SPAG9: variants seen among roughly 807,000 people sequenced by gnomAD.
SPAG9 encodes sperm associated antigen 9.
A neutral mutation model predicts 166.5 loss-of-function variants in SPAG9; 35 were observed. That is an observed-to-expected ratio of 0.21 (90% CI 0.16 to 0.28). The LOEUF (loss-of-function observed/expected upper bound fraction) is 0.28, where lower values mean the gene tolerates loss of function less well. Among genes scored for constraint, SPAG9 ranks in the 10% least tolerant of loss-of-function variants. The pLI is 1.00. For missense variants in SPAG9, 1,235 were observed against 1,603.3 expected (o/e 0.77, Z 3.92); for synonymous variants, 534 against 565.5 (o/e 0.94, Z 0.79).
At chr17:51,007,424 T>A in intron 9 of SPAG9, 98 bp from the exon 10 acceptor site, 2 of 566,486 alleles carry the variant, frequency 3.5e-6, no homozygotes, top group South Asian at 2.9e-5. Flanking sequence ...ATTTTAGAAA[T>A]TTTATCTGTC....
In SPAG9 at chr17:51,074,225, G is replaced by A. The variant is rs373699979; in HGVS notation, c.424+5359C>T. Among the ~76,000 whole-genome samples the A allele has an allele frequency of 6.0e-4, 91 of 151,690 alleles. No homozygotes were observed. The South Asian group carries it at 0.018, about 30-fold the overall frequency. On this transcript the variant is annotated intron_variant, in intron 2 of 29. Coordinates refer to ENST00000262013, the MANE Select transcript of SPAG9 (RefSeq NM_001130528.3). The stretch of plus-strand genomic sequence containing the variant: ...CAGTCCAGACTGGGCGACAGAGCGA[G>A]ACTCCGTCTCAAAAAAATAAAAACA...
rs1597972162 is a variant in SPAG9, at chr17:51,005,985, C to T, written c.1424+100G>A. 3.6e-6 allele frequency: 5 copies of T among 1,391,362 alleles called. No homozygotes were observed. In the East Asian group the frequency reaches 9.2e-5, roughly 26 times the overall value. The allele number at this position is 1,391,362 out of a possible 1,614,324, so 86.2% of individuals were successfully genotyped here. On this transcript the variant is annotated intron_variant, in intron 11 of 29. Transcript: ENST00000262013. ...CCCAGGCAGCTCTTGGCCTTCCAGG[C>T]TTGAGTGGACAGAAGGTCTCAGTCT...
chr17:51,047,715 A>C (rs1190522532), intron 3 of SPAG9, among the ~76,000 whole-genome samples: 1 of 151,790 alleles, frequency 6.6e-6, no homozygotes, highest in Non-Finnish European at 1.5e-5. Flanking sequence ...AAAAAAAAAA[A>C]AAACCCACTT....
chr17:51,005,824 C>A (rs1040280240), intron 11 of SPAG9, among the ~76,000 whole-genome samples: 2 of 152,252 alleles, frequency 1.3e-5, no homozygotes, highest in Admixed American at 6.5e-5. Flanking sequence ...TCACTCCAGC[C>A]TGGGCAACAG....
chr17:51,001,699 C>T lies in SPAG9; in HGVS notation c.1607+16G>A, dbSNP rs756660197. 30 of 1,597,690 alleles carry T rather than the reference C, an allele frequency of 1.9e-5. No homozygotes were observed. In the African/African-American group the frequency reaches 3.0e-4, roughly 16 times the overall value. On this transcript the variant is annotated intron_variant, in intron 13 of 29. Coordinates refer to ENST00000262013, the MANE Select transcript of SPAG9 (RefSeq NM_001130528.3). The stretch of plus-strand genomic sequence containing the variant: ...AAATAATAGTAGGAAAATAATGGAG[C>T]GCTTGTCATACAAACCGAATCATCT...
At chr17:50,995,692 C>T (rs1281826273) in intron 16 of SPAG9, 159 bp from the exon 17 acceptor site, 27 of 602,788 alleles carry the variant, frequency 4.5e-5, no homozygotes, top group Non-Finnish European at 6.7e-5. Context: ...GAGACAGGGT[C>T]GCTCTACTGC....
chr17:51,114,876 T>C (rs2049238190), intron 1 of SPAG9, among the ~76,000 whole-genome samples: 1 of 150,904 alleles, frequency 6.6e-6, no homozygotes, highest in African/African-American at 2.4e-5. Context: ...TGCTTGAACC[T>C]GGGAGGCAGA....
chr17:50,983,176 G>A (rs761123639), intron 24 of SPAG9, among the ~76,000 whole-genome samples: 2 of 152,138 alleles, frequency 1.3e-5, no homozygotes, highest in Admixed American at 6.5e-5. Context: ...TAGCTTTTGT[G>A]AGCATACTGC....
chr17:51,026,358 A>C (rs1447687693), intron 6 of SPAG9, among the ~76,000 whole-genome samples: 5 of 150,732 alleles, frequency 3.3e-5, no homozygotes, highest in African/African-American at 1.2e-4. Flanking sequence ...ACCAGGAGAG[A>C]GCTGAACCTA....
intron 1 of SPAG9, among the ~76,000 whole-genome samples, chr17:51,087,523 T>A (rs1046083405): frequency 2.0e-5 from 3 of 152,180 alleles, no homozygotes; most frequent in Non-Finnish European, 2.9e-5. Context: ...TTTGTCTCTA[T>A]ACCTAACCTT....
intron 1 of SPAG9, among the ~76,000 whole-genome samples, chr17:51,102,727 C>T (rs971324292): frequency 6.6e-6 from 1 of 152,054 alleles, no homozygotes; most frequent in African/African-American, 2.4e-5. Context: ...TGGTCTCGAA[C>T]CCCTGACCTC....
At chr17:51,016,024 T>C (rs2045683176) in intron 8 of SPAG9, among the ~76,000 whole-genome samples, 1 of 152,104 alleles carries the variant, frequency 6.6e-6, no homozygotes, top group African/African-American at 2.4e-5. Flanking sequence ...CTTAAAAGAT[T>C]TCAGAAAGTA....
chr17:51,061,876 T>C (rs1343217870), intron 2 of SPAG9, among the ~76,000 whole-genome samples: 2 of 152,152 alleles, frequency 1.3e-5, no homozygotes, highest in African/African-American at 4.8e-5. Flanking sequence ...TAAATTTACT[T>C]CCATTTGGCA....
chr17:51,077,037 G>GCTATCTAGCTAGCTATCTAGCTAT (rs2048014904), intron 2 of SPAG9, among the ~76,000 whole-genome samples: 1 of 108,558 alleles, frequency 9.2e-6, no homozygotes, highest in Non-Finnish European at 2.1e-5. Flanking sequence ...TATCTATCTA[G>GCTATCTAGCTAGCTATCTAGCTAT]CTATCTAGCT....
rs78313028 is a variant in SPAG9 at position 50,966,523 on chromosome 17, T to C, written c.3851-136A>G. The C allele has an allele frequency of 0.015, 9,514 of 644,706 alleles. 645 individuals carry two copies. In the African/African-American group the frequency reaches 0.15, roughly 10 times the overall value. The allele number at this position is 644,706 out of a possible 1,614,324, so 39.9% of individuals were successfully genotyped here. ...CTGACTTTCACTGGAGAGTAAATAG[T>C]AGAAGAAATACTAAGAGTCAGAATC... On this transcript the variant is annotated intron_variant, in intron 29 of 29. Coordinates refer to ENST00000262013, the MANE Select transcript of SPAG9 (RefSeq NM_001130528.3).
rs1195690813 is a variant in SPAG9, at chr17:50,962,995, T to G, written c.*3277A>C. 1.3e-5 allele frequency: 2 copies of G among 152,194 alleles called. No homozygotes were observed. The highest frequency in any genetic ancestry group is 4.8e-5 in the African/African-American group (2 of 41,450). 9.4% of individuals were successfully genotyped at this position (152,194 alleles called of 1,614,324 possible). On this transcript the variant is annotated 3_prime_UTR_variant, in exon 30 of 30. Coordinates refer to ENST00000262013, the MANE Select transcript of SPAG9 (RefSeq NM_001130528.3). ...CCACATGGGTTAGAGAAAAATACTCTCAAAAGTGAGTTCCTAGAGAATATT... is the reference window on the plus strand; with the variant it reads ...CCACATGGGTTAGAGAAAAATACTCGCAAAAGTGAGTTCCTAGAGAATATT...
At chr17:51,072,323 C>T (rs956153071) in intron 2 of SPAG9, among the ~76,000 whole-genome samples, 2 of 149,966 alleles carry the variant, frequency 1.3e-5, no homozygotes, top group South Asian at 2.1e-4. Context: ...ACGCCTGCCT[C>T]GGCCTCCCAA....
chr17:51,098,575 G>A (rs976915244), intron 1 of SPAG9, among the ~76,000 whole-genome samples: 2 of 151,316 alleles, frequency 1.3e-5, no homozygotes, highest in African/African-American at 4.9e-5. Context: ...TCACTGCAAC[G>A]TCTGCCTCCA....
intron 1 of SPAG9, among the ~76,000 whole-genome samples, chr17:51,105,561 C>T (rs2048923060): frequency 1.3e-5 from 2 of 152,122 alleles, no homozygotes; most frequent in Non-Finnish European, 1.5e-5. Flanking sequence ...TTTTCTTCCC[C>T]AGTAGCTTGA....
Sources: gnomAD v4.1 joint callset for allele counts (sites outside exome capture counted in the v4.1 genomes callset) on GRCh38, gnomAD v4.1.1 for gene constraint, MANE v1.5 for transcripts, NCBI Gene and HGNC (gene_info 2026-07-23, HGNC 2026-07-21) for gene names.